Variants in FEZ2 observed in about 807,000 individuals in gnomAD.
FEZ2 encodes fasciculation and elongation protein zeta 2, also known as fasciculation and elongation protein zeta-2.
A neutral mutation model predicts 40.4 loss-of-function variants in FEZ2; 51 were observed. The ratio of observed to expected loss-of-function variants is 1.26; its 90% CI spans 1.01 to 1.59. The LOEUF is 1.59. FEZ2 is among the 40% of genes most tolerant of loss of function. The pLI, the probability that FEZ2 is intolerant of heterozygous loss-of-function variation, is 0.00. For missense variants in FEZ2, 640 were observed against 438.3 expected (o/e 1.46, Z -4.11); for synonymous variants, 242 against 172.0 (o/e 1.41, Z -3.18).
At chr2:36,573,227 T>G (rs1177723528) in intron 5 of FEZ2, among the ~76,000 whole-genome samples, 1 of 152,212 alleles carries the variant, frequency 6.6e-6, no homozygotes, top group Non-Finnish European at 1.5e-5. Context: ...ATTCAAAGAT[T>G]TGTTACTAGA....
At chr2:36,579,294 T>C (rs1048062418) in intron 4 of FEZ2, among the ~76,000 whole-genome samples, 3 of 151,816 alleles carry the variant, frequency 2.0e-5, no homozygotes, top group Non-Finnish European at 4.4e-5. Context: ...AGGAAAGGAG[T>C]TGATCTGAAA....
chr2:36,597,759 G>C (rs1393496931), intron 1 of FEZ2, 118 bp downstream of exon 1: 2 of 731,416 alleles, frequency 2.7e-6, no homozygotes, highest in Non-Finnish European at 3.8e-6. Context: ...CGAGAGGGCG[G>C]GGACTCCCGC....
At position 36,558,494 on chromosome 2, in the gene FEZ2, G is replaced by A. The variant is rs1451289300; in HGVS notation, c.923C>T (p.Pro308Leu). The A allele has an allele frequency of 6.0e-6, 9 of 1,511,828 alleles. No homozygotes were observed. In the East Asian group the frequency reaches 1.0e-4, roughly 17 times the overall value. The allele number at this position is 1,511,828 out of a possible 1,614,324, so 93.7% of individuals were successfully genotyped here. The change falls in exon 6 of 8, where the codon CCT becomes CTT. Residue 308 changes from proline to leucine, a missense_variant. Transcript: ENST00000405912. ...CGGTGGTCCGTTTTTTTTCTCATAA[G>A]GAATGACTGTAGTCAAATACTGCCA... ...MPGTYLTTVI[P>L]YEKKNGPPSV... is the part of the protein sequence containing the mutation.
chr2:36,578,588 A>G lies in FEZ2; in HGVS notation c.903+9T>C. Reference sequence around the variant, plus strand: ...CAGTGTTCGACGCCTCCTGCAAAACATCACTTACTGTGCCGGGCATATGAC... The same window carrying G: ...CAGTGTTCGACGCCTCCTGCAAAACGTCACTTACTGTGCCGGGCATATGAC... On this transcript the variant is annotated intron_variant, in intron 5 of 7. Transcript: ENST00000405912. 1 of 1,605,580 alleles carries G rather than the reference A, an allele frequency of 6.2e-7. No individual in the cohort carries two copies. The highest frequency in any genetic ancestry group is 8.5e-7 in the Non-Finnish European group (1 of 1,176,678).
chr2:36,590,382 C>G (rs1476262304), intron 2 of FEZ2: 1 of 152,444 alleles, frequency 6.6e-6, no homozygotes, highest in Non-Finnish European at 1.5e-5. Flanking sequence ...CTGAGTGTTT[C>G]AGTGCATCAT....
chr2:36,583,508 C>A, intron 2 of FEZ2, 39 bp from the exon 3 acceptor site: 1 of 1,036,002 alleles, frequency 9.7e-7, no homozygotes, highest in Non-Finnish European at 1.5e-6. Flanking sequence ...GCAGGACATC[C>A]TCATCAAAAC....
chr2:36,552,343 A>G lies in FEZ2; in HGVS notation c.*820T>C. On this transcript the variant is annotated 3_prime_UTR_variant, in exon 8 of 8. Transcript: ENST00000405912. ...TCATGATATTGATGAATCCATAAGTAGCTGTATCTAGAATTCATACTTAAG... is the reference window on the plus strand; with the variant it reads ...TCATGATATTGATGAATCCATAAGTGGCTGTATCTAGAATTCATACTTAAG... 1 of 383,150 alleles carries G rather than the reference A, an allele frequency of 2.6e-6. No homozygotes were observed. The highest frequency in any genetic ancestry group is 5.0e-6 in the Non-Finnish European group (1 of 198,160). The allele number at this position is 383,150 out of a possible 1,614,324, so 23.7% of individuals were successfully genotyped here. A position where few individuals can be genotyped will look rare whatever the true frequency, so the allele number is the denominator to read the frequency against.
At chr2:36,564,596 G>A (rs1386837723) in intron 5 of FEZ2, among the ~76,000 whole-genome samples, 1 of 152,090 alleles carries the variant, frequency 6.6e-6, no homozygotes, top group Non-Finnish European at 1.5e-5. Flanking sequence ...CCAGCAAGGC[G>A]ATTAAAAACT....
chr2:36,555,581 T>C (rs1368005368), intron 7 of FEZ2, 102 bp downstream of exon 7: 6 of 563,760 alleles, frequency 1.1e-5, no homozygotes, highest in East Asian at 6.0e-5. Context: ...TTAATGAAAG[T>C]TGTGCATTGG....
At chr2:36,582,903 C>T (rs1206060646) in intron 3 of FEZ2, among the ~76,000 whole-genome samples, 2 of 152,202 alleles carry the variant, frequency 1.3e-5, no homozygotes, top group African/African-American at 2.4e-5. Context: ...ACCTTATTAG[C>T]GCATTCCACG....
At chr2:36,573,700 T>A (rs1264698993) in intron 5 of FEZ2, among the ~76,000 whole-genome samples, 1 of 152,202 alleles carries the variant, frequency 6.6e-6, no homozygotes, top group Admixed American at 6.5e-5. Flanking sequence ...TACTTCAATA[T>A]CACAAGTATG....
intron 5 of FEZ2, among the ~76,000 whole-genome samples, chr2:36,564,962 C>A (rs115885053): frequency 2.3e-4 from 35 of 152,156 alleles, no homozygotes; most frequent in African/African-American, 8.0e-4. Context: ...CATAGGTTGA[C>A]GGAAAAGAGA....
intron 5 of FEZ2, among the ~76,000 whole-genome samples, chr2:36,563,523 G>GAAA (rs369727165): frequency 2.2e-5 from 3 of 137,858 alleles, no homozygotes; most frequent in Non-Finnish European, 3.2e-5. Context: ...GGAAAAAAAA[G>GAAA]AAAAAAAAAA....
Position 36,591,006 on chromosome 2 carries a change from C to T in FEZ2, c.272G>A (p.Trp91Ter). ...ERSLLQGDEI[W>*]NALTDNYGNV... ...CCCATAATTATCTGTCAGGGCATTC[C>T]AAATCCTTAAAAAGAAGAAAGCTAC... The change falls in exon 2 of 8, where the codon TGG becomes TAG. Residue 91 changes from tryptophan (W) to a stop codon, truncating the protein, a stop_gained. Coordinates refer to ENST00000405912, the MANE Select transcript of FEZ2 (RefSeq NM_005102.3). LOFTEE classifies it high-confidence loss of function. 1 of 1,590,084 alleles carries T rather than the reference C, an allele frequency of 6.3e-7. No homozygotes were observed. Among genetic ancestry groups the T allele is most frequent in the Non-Finnish European group, 8.6e-7 (1 of 1,158,400 alleles).
chr2:36,592,249 C>T (rs1007577685), intron 1 of FEZ2, among the ~76,000 whole-genome samples: 1 of 152,026 alleles, frequency 6.6e-6, no homozygotes, highest in African/African-American at 2.4e-5. Flanking sequence ...AAAAACAATC[C>T]TGGCTGGGGC....
chr2:36,568,861 A>T lies in FEZ2; in HGVS notation c.903+9736T>A, dbSNP rs556816888. Reference sequence around the variant, plus strand: ...AGTCTCAAAATCAGTCCTTATCTGGAAACTTTTCTCAGACAAAACCAGTAG... The same window carrying T: ...AGTCTCAAAATCAGTCCTTATCTGGTAACTTTTCTCAGACAAAACCAGTAG... On this transcript the variant is annotated intron_variant, in intron 5 of 7. Transcript: ENST00000405912. Among the ~76,000 whole-genome samples, 3 of 152,342 alleles carry T rather than the reference A, an allele frequency of 2.0e-5. No homozygotes were observed. In the East Asian group the frequency reaches 5.8e-4, roughly 29 times the overall value.
intron 5 of FEZ2, 126 bp downstream of exon 5, chr2:36,578,471 C>T (rs1668638176): frequency 9.0e-6 from 9 of 1,003,860 alleles, no homozygotes; most frequent in Middle Eastern, 2.2e-4. Context: ...TCCCACTGGG[C>T]TCTGATTAGA....
intron 1 of FEZ2, among the ~76,000 whole-genome samples, chr2:36,594,725 G>C (rs1167227079): frequency 1.3e-5 from 2 of 152,210 alleles, no homozygotes; most frequent in Non-Finnish European, 2.9e-5. Context: ...AGGAATTTAA[G>C]CAGGATACAC....
intron 1 of FEZ2, among the ~76,000 whole-genome samples, chr2:36,592,236 T>C (rs1669091949): frequency 1.3e-5 from 2 of 152,084 alleles, no homozygotes; most frequent in Admixed American, 6.5e-5. Context: ...GACACTAGGA[T>C]ACAAAAACAA....
Sources: allele counts gnomAD v4.1 joint callset (sites outside exome capture counted in the v4.1 genomes callset), GRCh38; gene constraint gnomAD v4.1.1; transcripts MANE v1.5; gene names NCBI Gene and HGNC (gene_info 2026-07-23, HGNC 2026-07-21).